Variants in CREBBP observed in about 807,000 individuals in gnomAD.
CREBBP encodes the protein CREB-binding protein.
CREBBP carries 19 observed loss-of-function variants against 265.0 expected under a neutral mutation model. That is an observed-to-expected ratio of 0.07 (90% CI 0.05 to 0.11). CREBBP has a LOEUF of 0.11. Ranked by LOEUF, CREBBP falls within the 10% of genes least tolerant of loss-of-function variation. The pLI is 1.00. For missense variants in CREBBP, 2,525 were observed against 3,219.0 expected (o/e 0.78, Z 5.22); for synonymous variants, 1,457 against 1,223.7 (o/e 1.19, Z -3.98).
chr16:3,877,822 G>A (rs2055435188), intron 1 of CREBBP, among the ~76,000 whole-genome samples: 1 of 152,226 alleles, frequency 6.6e-6, no homozygotes, highest in African/African-American at 2.4e-5. Flanking sequence ...TAAGTATGAT[G>A]TTGACTTTCT....
Position 3,728,487 on chromosome 16 carries a change from G to A in CREBBP, c.6560C>T (p.Pro2187Leu), listed in dbSNP as rs760836018. The A allele has an allele frequency of 1.2e-6, 2 of 1,613,986 alleles. No individual in the cohort carries two copies. The highest frequency in any genetic ancestry group is 1.7e-6 in the Non-Finnish European group (2 of 1,179,988). The stretch of plus-strand genomic sequence containing the variant: ...CCTCCGTAACATTTCTCGGTACTGT[G>A]GATTCATACTCGCCATGTTGGGGTT... ...GHNPNMASMN[P>L]QYREMLRRQL... The change falls in exon 31 of 31, where the codon CCA (proline) becomes CTA (leucine). Residue 2187 changes from proline to leucine, a missense_variant. Physicochemically the swap from Pro to Leu is moderately conservative, Grantham distance 98. Around this residue, in one of 19 missense-constraint regions of CREBBP, gnomAD observed 473 missense variants for 459.3 expected, o/e 1.03. Transcript: ENST00000262367. The surrounding 1 kb of genome is among the most constrained non-coding windows in gnomAD (Gnocchi z 8.7).
intron 1 of CREBBP, among the ~76,000 whole-genome samples, chr16:3,870,305 T>C (rs970153200): frequency 1.8e-4 from 27 of 152,298 alleles, no homozygotes; most frequent in Admixed American, 1.6e-3. Context: ...CGAGAGGCAA[T>C]TGAGTTTCAC....
At chr16:3,734,871 C>T (rs895691351) in intron 28 of CREBBP, among the ~76,000 whole-genome samples, 3 of 152,320 alleles carry the variant, frequency 2.0e-5, no homozygotes, top group Non-Finnish European at 1.5e-5. Flanking sequence ...ATGGGACAGG[C>T]ACCAGAGTGG....
In CREBBP at chr16:3,830,158, A is replaced by G. The variant is rs865882144; in HGVS notation, c.799-19379T>C. ...ATGCCTGTAATCCCAGCACTTTGGG[A>G]GGTCGAGGTGGGCAGATCGCTTGAG... On this transcript the variant is annotated intron_variant, in intron 2 of 30. Coordinates refer to ENST00000262367, the MANE Select transcript of CREBBP (RefSeq NM_004380.3). Among the ~76,000 whole-genome samples, 3 of 152,322 alleles carry G rather than the reference A, an allele frequency of 2.0e-5. No individual in the cohort carries two copies. In the Middle Eastern group the frequency reaches 0.01, roughly 518 times the overall value.
intron 16 of CREBBP, among the ~76,000 whole-genome samples, chr16:3,759,998 C>T (rs2052675849): frequency 6.6e-6 from 1 of 152,212 alleles, no homozygotes; most frequent in Non-Finnish European, 1.5e-5. Flanking sequence ...CATGTTCACT[C>T]ACACAGAGAA....
At chr16:3,759,417 C>T (rs867470636) in intron 16 of CREBBP, among the ~76,000 whole-genome samples, 1 of 151,900 alleles carries the variant, frequency 6.6e-6, no homozygotes, top group Non-Finnish European at 1.5e-5. Flanking sequence ...AGTGAAACCT[C>T]GTCTCTACTA....
chr16:3,798,773 C>G (rs1239384770), intron 3 of CREBBP, among the ~76,000 whole-genome samples: 2 of 152,208 alleles, frequency 1.3e-5, no homozygotes, highest in Non-Finnish European at 2.9e-5. Flanking sequence ...AACAGTCTGG[C>G]AATTCCTCAA....
intron 16 of CREBBP, among the ~76,000 whole-genome samples, chr16:3,763,829 T>C (rs997069040): frequency 1.3e-5 from 2 of 149,490 alleles, no homozygotes; most frequent in Non-Finnish European, 3.0e-5. Context: ...TCTGCACAGA[T>C]GGGAAAAAAG....
intron 2 of CREBBP, among the ~76,000 whole-genome samples, chr16:3,832,027 AAGAGT>A (rs2054353807): frequency 6.6e-6 from 1 of 152,050 alleles, no homozygotes; most frequent in African/African-American, 2.4e-5. Context: ...AAAAAAAGAA[AAGAGT>A]AGAGAAATGT....
intron 28 of CREBBP, among the ~76,000 whole-genome samples, chr16:3,732,511 T>A (rs547350868): frequency 6.6e-6 from 1 of 152,288 alleles, no homozygotes; most frequent in East Asian, 1.9e-4. Flanking sequence ...GCCCACAGGC[T>A]CCTCCTCTGG....
chr16:3,737,462 T>G (rs141725451), intron 26 of CREBBP, among the ~76,000 whole-genome samples: 2,068 of 151,898 alleles, frequency 0.014, 20 homozygotes, highest in Admixed American at 0.025. Context: ...TTTCTTTTTT[T>G]TTTTTTGCGG....
intron 6 of CREBBP, 29 bp from the exon 7 acceptor site, chr16:3,781,335 C>A (rs2141248581): frequency 6.3e-7 from 1 of 1,576,804 alleles, no homozygotes; most frequent in Non-Finnish European, 8.7e-7. Context: ...AATCAATCAA[C>A]AGTTAAATTT....
chr16:3,775,841 G>A (rs937243039), intron 11 of CREBBP, among the ~76,000 whole-genome samples: 19 of 152,038 alleles, frequency 1.2e-4, no homozygotes, highest in Non-Finnish European at 2.4e-4. Flanking sequence ...TCCTATCCAG[G>A]CTGAAGTCCT....
intron 23 of CREBBP, chr16:3,741,396 G>A (rs1258402118): frequency 6.6e-6 from 1 of 152,212 alleles, no homozygotes; most frequent in Non-Finnish European, 1.5e-5. Context: ...AATTTTCGAA[G>A]ATTCCTTAGC....
chr16:3,773,110 A>C (rs2053055576), intron 13 of CREBBP, among the ~76,000 whole-genome samples: 1 of 152,036 alleles, frequency 6.6e-6, no homozygotes, highest in African/African-American at 2.4e-5. Flanking sequence ...AACAAAAAAA[A>C]ACTTAAAACA....
intron 1 of CREBBP, among the ~76,000 whole-genome samples, chr16:3,862,580 G>T (rs368881714): frequency 6.6e-6 from 1 of 152,158 alleles, no homozygotes; most frequent in African/African-American, 2.4e-5. Flanking sequence ...TATGATGAAC[G>T]ATATTTAAGT....
chr16:3,818,077 C>A (rs2054071300), intron 2 of CREBBP, among the ~76,000 whole-genome samples: 1 of 152,092 alleles, frequency 6.6e-6, no homozygotes, highest in Non-Finnish European at 1.5e-5. Flanking sequence ...CAAACTCCCC[C>A]AGTTTTCATC....
intron 28 of CREBBP, among the ~76,000 whole-genome samples, chr16:3,735,512 G>C (rs975430556): frequency 9.9e-5 from 15 of 152,140 alleles, no homozygotes; most frequent in African/African-American, 3.6e-4. Flanking sequence ...TAGCCAGGCT[G>C]GTCTCCCTTT....
chr16:3,785,075 C>T (rs956504569), intron 5 of CREBBP, among the ~76,000 whole-genome samples: 6 of 152,210 alleles, frequency 3.9e-5, no homozygotes, highest in Non-Finnish European at 8.8e-5. Context: ...CCAAATGATG[C>T]TATTACATGA....
Sources: gnomAD v4.1 joint callset for allele counts (sites outside exome capture counted in the v4.1 genomes callset) on GRCh38, gnomAD v4.1.1 for gene constraint, gnomAD v4.1.1 regional missense constraint, Gnocchi (gnomAD v3.1) non-coding constraint, MANE v1.5 for transcripts, NCBI Gene and HGNC (gene_info 2026-07-23, HGNC 2026-07-21) for gene names.